The following BLNK variants were observed in gnomAD, a reference collection of about 807,000 sequenced individuals.
BLNK encodes B cell linker.
A neutral mutation model predicts 73.5 loss-of-function variants in BLNK; 29 were observed. The observed-to-expected ratio is 0.39, with a 90% CI of 0.29 to 0.54. The LOEUF (loss-of-function observed/expected upper bound fraction) is 0.54, where lower values mean the gene tolerates loss of function less well. BLNK is among the 20% of genes least tolerant of loss of function. The pLI, the probability that BLNK is intolerant of heterozygous loss-of-function variation, is 0.61. For missense variants in BLNK, 460 were observed against 562.8 expected, an observed-to-expected ratio of 0.82 and a Z score of 1.85; for synonymous variants, 176 against 200.8, an observed-to-expected ratio of 0.88 and a Z score of 1.04.
At chr10:96,259,933 T>C (rs17111536) in intron 1 of BLNK, among the ~76,000 whole-genome samples, 15,157 of 152,026 alleles carry the variant, frequency 0.1, 1,501 homozygotes, top group East Asian at 0.54. Flanking sequence ...AAGGAAATGA[T>C]GCTATACCTG....
At chr10:96,224,501 G>A (rs1055206217) in intron 5 of BLNK, among the ~76,000 whole-genome samples, 8 of 152,082 alleles carry the variant, frequency 5.3e-5, no homozygotes, top group African/African-American at 1.7e-4. Flanking sequence ...CAGTGATTTC[G>A]CTCCATTCAC....
intron 12 of BLNK, 119 bp from the exon 13 acceptor site, chr10:96,204,207 C>T (rs1156958589): frequency 1.8e-6 from 2 of 1,089,400 alleles, no homozygotes; most frequent in East Asian, 4.7e-5. Flanking sequence ...TACAAATGGC[C>T]AATAAAATGT....
At chr10:96,236,831 A>C (rs1435728556) in intron 3 of BLNK, among the ~76,000 whole-genome samples, 2 of 152,112 alleles carry the variant, frequency 1.3e-5, no homozygotes, top group Non-Finnish European at 2.9e-5. Context: ...GTCTCAAAAA[A>C]AGAAAAAAGA....
chr10:96,224,129 G>T, intron 5 of BLNK, 140 bp from the exon 6 acceptor site: 1 of 1,015,416 alleles, frequency 9.8e-7, no homozygotes, highest in Non-Finnish European at 1.4e-6. Context: ...CCTTGAAAGA[G>T]TAAAGTGAAA....
At chr10:96,196,543 G>C (rs1288678322) in intron 16 of BLNK, among the ~76,000 whole-genome samples, 1 of 152,156 alleles carries the variant, frequency 6.6e-6, no homozygotes, top group Non-Finnish European at 1.5e-5. Context: ...TACTTGAGTT[G>C]AGATTTTAGG....
intron 3 of BLNK, among the ~76,000 whole-genome samples, chr10:96,231,062 C>T (rs1202763432): frequency 1.3e-5 from 2 of 152,220 alleles, no homozygotes; most frequent in African/African-American, 2.4e-5. Context: ...GAGCAATGTG[C>T]GTCTGATCCA....
intron 6 of BLNK, among the ~76,000 whole-genome samples, chr10:96,219,748 G>C (rs1439878921): frequency 6.6e-6 from 1 of 152,220 alleles, no homozygotes; most frequent in Non-Finnish European, 1.5e-5. Flanking sequence ...CAGATAGTGA[G>C]GGTAAGATGT....
chr10:96,241,732 T>C (rs1267082429), intron 3 of BLNK, among the ~76,000 whole-genome samples: 1 of 105,180 alleles, frequency 9.5e-6, no homozygotes, highest in East Asian at 2.5e-4. Context: ...TTTCTTTTCT[T>C]TCTTTTTTTT....
rs782722710 is a variant in BLNK at position 96,231,342 on chromosome 10, TA to T, written c.164-509del. Among the ~76,000 whole-genome samples, 92 of 151,866 alleles carry T rather than the reference TA, an allele frequency of 6.1e-4. 1 individual carries two copies. Among genetic ancestry groups the T allele is most frequent in the Admixed American group, 2.6e-3 (40 of 15,256 alleles). On this transcript the variant is annotated intron_variant, in intron 3 of 16. Coordinates refer to ENST00000224337, the MANE Select transcript of BLNK (RefSeq NM_013314.4). ...TGGCTCTAACTTTGACTTTTCTTGT[TA>T]AAAAAAAATTATCCAATGTCTTAGT... is the stretch of plus-strand genomic sequence containing the variant.
rs2083301289 is a variant in BLNK at position 96,189,843 on chromosome 10, C to T, written c.*2130G>A. The stretch of plus-strand genomic sequence containing the variant: ...AGTTTCACATCCTCCTCCTCTTCAT[C>T]TTCTGACTCTGCATCTTCCTCCACA... On this transcript the variant is annotated 3_prime_UTR_variant, in exon 17 of 17. Coordinates refer to ENST00000224337, the MANE Select transcript of BLNK (RefSeq NM_013314.4). 1 of 1,210,732 alleles carries T rather than the reference C, an allele frequency of 8.3e-7. No individual in the cohort carries two copies. Among genetic ancestry groups the T allele is most frequent in the East Asian group, 2.3e-5 (1 of 43,286 alleles). 75.0% of individuals were successfully genotyped at this position (1,210,732 alleles called of 1,614,324 possible).
intron 1 of BLNK, among the ~76,000 whole-genome samples, 168 bp from the exon 2 acceptor site, chr10:96,247,217 C>T (rs1438372574): frequency 1.3e-5 from 2 of 152,164 alleles, no homozygotes; most frequent in South Asian, 2.1e-4. Context: ...GCTACTTTAG[C>T]GAAGGAGAAG....
intron 1 of BLNK, among the ~76,000 whole-genome samples, chr10:96,269,421 C>CAA (rs11295392): frequency 8.0e-5 from 11 of 136,816 alleles, no homozygotes; most frequent in African/African-American, 7.9e-5. Context: ...TGTCTGAAAA[C>CAA]AAAAAAAAAA....
chr10:96,219,415 G>T (rs1272243594), intron 6 of BLNK, among the ~76,000 whole-genome samples: 1 of 152,180 alleles, frequency 6.6e-6, no homozygotes, highest in Non-Finnish European at 1.5e-5. Flanking sequence ...TCCTATAAAA[G>T]GAGAGGCTGA....
Position 96,191,873 on chromosome 10 carries a change from T to C in BLNK, c.*100A>G. On this transcript the variant is annotated 3_prime_UTR_variant, in exon 17 of 17. Transcript: ENST00000224337. The stretch of plus-strand genomic sequence containing the variant: ...CTCCATCTTCCATTTTATTACTGGA[T>C]GATTCATAATCCAAAATATGAAGTT... The C allele has an allele frequency of 2.7e-6, 4 of 1,482,164 alleles. No homozygotes were observed. The highest frequency in any genetic ancestry group is 3.8e-6 in the Non-Finnish European group (4 of 1,066,096). The allele number at this position is 1,482,164 out of a possible 1,614,324, so 91.8% of individuals were successfully genotyped here. A position where few individuals can be genotyped will look rare whatever the true frequency, so the allele number is the denominator to read the frequency against.
At chr10:96,199,940 C>A in intron 15 of BLNK, 135 bp downstream of exon 15, 1 of 482,642 alleles carries the variant, frequency 2.1e-6, no homozygotes, top group Admixed American at 4.0e-5. Flanking sequence ...ATGAGAATCA[C>A]TTGAACTTGG....
chr10:96,263,152 T>C (rs930243753), intron 1 of BLNK, among the ~76,000 whole-genome samples: 2 of 152,138 alleles, frequency 1.3e-5, no homozygotes, highest in Admixed American at 6.5e-5. Context: ...CAATGTAAAA[T>C]GAAAATGCAG....
rs954787114 is a variant in BLNK, at chr10:96,227,523, A to G, written c.248T>C (p.Met83Thr). ...ENPDEHSDSE[M>T]YVMPAEENAD... is the part of the protein sequence containing the mutation. ...GTTCTCCTCGGCGGGCATCACGTAC[A>G]TCTCTGAGTCCGAGTGCTCATCTGG... The change falls in exon 5 of 17, where the codon ATG becomes ACG. Residue 83 changes from methionine (M) to threonine (T), a missense_variant. Met to Thr is a moderately conservative substitution (Grantham distance 81). This residue lies in a region of BLNK where 139 missense variants were observed against 187.3 expected (regional missense o/e 0.74). Transcript: ENST00000224337. 10 of 1,614,086 alleles carry G rather than the reference A, an allele frequency of 6.2e-6. No homozygotes were observed. The African/African-American group carries it at 6.7e-5, about 11-fold the overall frequency.
chr10:96,241,946 C>T (rs1443253406), intron 3 of BLNK, among the ~76,000 whole-genome samples: 1 of 152,142 alleles, frequency 6.6e-6, no homozygotes, highest in Non-Finnish European at 1.5e-5. Context: ...TCTCAAACTC[C>T]TGGGCTCAAG....
At position 96,215,111 on chromosome 10, in the gene BLNK, A is replaced by G. The variant is rs74368337; in HGVS notation, c.676+210T>C. On this transcript the variant is annotated intron_variant, in intron 8 of 16. Transcript: ENST00000224337. Reference sequence around the variant, plus strand: ...GCAAGGTGCCCAGGAAGGTAGGGTGAAAACCAGAACTTGTCTAGCAGATGC... The same window carrying G: ...GCAAGGTGCCCAGGAAGGTAGGGTGGAAACCAGAACTTGTCTAGCAGATGC... Among the ~76,000 whole-genome samples, 5,166 of 152,270 alleles carry G rather than the reference A, an allele frequency of 0.034. 111 individuals carry two copies. The highest frequency in any genetic ancestry group is 0.065 in the Middle Eastern group (19 of 294).
Sources: allele counts gnomAD v4.1 joint callset (sites outside exome capture counted in the v4.1 genomes callset), GRCh38; gene constraint gnomAD v4.1.1; regional missense constraint gnomAD v4.1.1; transcripts MANE v1.5; gene names NCBI Gene and HGNC (gene_info 2026-07-23, HGNC 2026-07-21).